Variants in HMGA2 observed in about 807,000 individuals in gnomAD.
HMGA2 encodes high mobility group protein HMGI-C.
In HMGA2, 8 loss-of-function variants were observed where a neutral mutation model predicts 19.1. The observed-to-expected ratio is 0.42, with a 90% CI of 0.25 to 0.76. HMGA2 has a LOEUF of 0.76. HMGA2 is among the 30% of genes least tolerant of loss of function. HMGA2 has a pLI of 0.28. For missense variants in HMGA2, 109 were observed against 136.3 expected, an observed-to-expected ratio of 0.80 and a Z score of 1.00; for synonymous variants, 60 against 48.8, an observed-to-expected ratio of 1.23 and a Z score of -0.96.
chr12:65,923,379 T>TGAG (rs1322191766), intron 3 of HMGA2, among the ~76,000 whole-genome samples: 1 of 152,122 alleles, frequency 6.6e-6, no homozygotes, highest in Non-Finnish European at 1.5e-5. Context: ...GGGGAGAGAA[T>TGAG]GAGGAAGTGG....
chr12:65,843,014 G>A (rs906618477), intron 3 of HMGA2: 8 of 342,738 alleles, frequency 2.3e-5, no homozygotes, highest in Non-Finnish European at 3.2e-5. Context: ...CTACATCAAT[G>A]GGAACAAGTG....
Position 65,883,136 on chromosome 12 carries a change from T to A in HMGA2, c.249+44567T>A, listed in dbSNP as rs1873507190. 2.6e-5 allele frequency among the ~76,000 whole-genome samples: 4 copies of A among 152,286 alleles called. No individual in the cohort carries two copies. The South Asian group carries it at 8.3e-4, about 32-fold the overall frequency. On this transcript the variant is annotated intron_variant, in intron 3 of 4. Transcript: ENST00000403681. ...GTTCAACTTCAAAGCTAAATTCTGA[T>A]GGAAAACACTTCCTAAGAGGCTGAA...
At chr12:65,853,061 G>A (rs2120934384) in intron 3 of HMGA2, among the ~76,000 whole-genome samples, 1 of 152,282 alleles carries the variant, frequency 6.6e-6, no homozygotes, top group Middle Eastern at 3.4e-3. Context: ...GAGGACAATG[G>A]CCGTGTCTGC....
intron 3 of HMGA2, among the ~76,000 whole-genome samples, chr12:65,890,232 T>C (rs1431301486): frequency 6.6e-6 from 1 of 152,190 alleles, no homozygotes; most frequent in African/African-American, 2.4e-5. Context: ...TAAAACATTG[T>C]GTTATCCTCA....
intron 3 of HMGA2, among the ~76,000 whole-genome samples, chr12:65,878,370 A>C (rs1355803840): frequency 1.3e-5 from 2 of 152,232 alleles, no homozygotes; most frequent in African/African-American, 4.8e-5. Flanking sequence ...ATGCAAATGG[A>C]AATGACCTAA....
intron 3 of HMGA2, among the ~76,000 whole-genome samples, chr12:65,841,251 A>C (rs573780934): frequency 8.5e-5 from 13 of 152,206 alleles, no homozygotes; most frequent in Non-Finnish European, 1.5e-4. Flanking sequence ...TGAGGCCCCC[A>C]CCACAGAAAT....
chr12:65,834,454 G>A (rs1199333265), intron 2 of HMGA2, among the ~76,000 whole-genome samples: 6 of 152,160 alleles, frequency 3.9e-5, no homozygotes, highest in Non-Finnish European at 8.8e-5. Context: ...CTAGAATTCT[G>A]ATGATAAGAG....
intron 3 of HMGA2, among the ~76,000 whole-genome samples, chr12:65,874,507 G>T (rs1206096307): frequency 6.6e-6 from 1 of 152,122 alleles, no homozygotes; most frequent in African/African-American, 2.4e-5. Flanking sequence ...AAGATGTGGT[G>T]CCCTTTAGAA....
chr12:65,826,772 C>G (rs559672739), intron 1 of HMGA2: 2 of 137,386 alleles, frequency 1.5e-5, no homozygotes, highest in African/African-American at 6.4e-5. Flanking sequence ...CACTAATTGC[C>G]CCCCCTCCAA....
chr12:65,956,871 T>C (rs895647256), intron 4 of HMGA2: 2 of 152,208 alleles, frequency 1.3e-5, no homozygotes, highest in Admixed American at 1.3e-4. Context: ...ATATAATCTT[T>C]CTTCTTACTC....
intron 4 of HMGA2, chr12:65,954,378 T>A (rs1302749777): frequency 6.6e-6 from 1 of 152,220 alleles, no homozygotes; most frequent in Admixed American, 6.5e-5. Flanking sequence ...TTTCTAGTAA[T>A]TGCTCCATCC....
chr12:65,875,693 C>T (rs1340867736), intron 3 of HMGA2, among the ~76,000 whole-genome samples: 2 of 140,412 alleles, frequency 1.4e-5, no homozygotes, highest in South Asian at 4.5e-4. Flanking sequence ...TCAGGTGATC[C>T]GCCTGACTCG....
intron 3 of HMGA2, among the ~76,000 whole-genome samples, chr12:65,909,400 G>A (rs1363125803): frequency 6.6e-6 from 1 of 151,864 alleles, no homozygotes; most frequent in Non-Finnish European, 1.5e-5. Context: ...ATTTATTCCT[G>A]TAATGTGGAA....
intron 3 of HMGA2, among the ~76,000 whole-genome samples, chr12:65,865,999 C>CT (rs1256937584): frequency 6.6e-6 from 1 of 152,092 alleles, no homozygotes; most frequent in Non-Finnish European, 1.5e-5. Context: ...AATGATGGAG[C>CT]ATCAGAATTT....
chr12:65,920,292 C>A (rs1321587460), intron 3 of HMGA2, among the ~76,000 whole-genome samples: 2 of 152,186 alleles, frequency 1.3e-5, no homozygotes, highest in East Asian at 3.9e-4. Context: ...CCTGAGTGAA[C>A]TATTTCCTGG....
intron 3 of HMGA2, among the ~76,000 whole-genome samples, chr12:65,852,506 AAAT>A (rs976864723): frequency 2.6e-5 from 4 of 152,066 alleles, no homozygotes; most frequent in African/African-American, 4.8e-5. Flanking sequence ...CTGTTTCAAA[AAAT>A]AATAATAATA....
chr12:65,845,621 C>T (rs1352800648), intron 3 of HMGA2, among the ~76,000 whole-genome samples: 1 of 152,088 alleles, frequency 6.6e-6, no homozygotes, highest in African/African-American at 2.4e-5. Context: ...CTCTTCAATA[C>T]TTGACACAAA....
rs530831236 is a variant in HMGA2, at chr12:65,860,090, TGAAAAGAAAA to T, written c.249+21534_249+21543del. 31 of 437,810 alleles carry T rather than the reference TGAAAAGAAAA, an allele frequency of 7.1e-5. No individual in the cohort carries two copies. The East Asian group carries it at 1.7e-3, about 24-fold the overall frequency. The allele number at this position is 437,810 out of a possible 1,614,324, so 27.1% of individuals were successfully genotyped here. A position where few individuals can be genotyped will look rare whatever the true frequency, so the allele number is the denominator to read the frequency against. On this transcript the variant is annotated intron_variant, in intron 3 of 4. Transcript: ENST00000403681. ...CTGGGCAACAGAGCAAGACTCTGTC[TGAAAAGAAAA>T]GAAAAGAAAAGAGAAAAGGAAAAAG...
At chr12:65,945,089 G>A (rs1176675321) in intron 3 of HMGA2, among the ~76,000 whole-genome samples, 1 of 151,620 alleles carries the variant, frequency 6.6e-6, no homozygotes, top group Non-Finnish European at 1.5e-5. Context: ...TTTCGTTGAG[G>A]GGCCTCAGGG....
Sources: gnomAD v4.1 joint callset for allele counts (sites outside exome capture counted in the v4.1 genomes callset) on GRCh38, gnomAD v4.1.1 for gene constraint, MANE v1.5 for transcripts, NCBI Gene and HGNC (gene_info 2026-07-23, HGNC 2026-07-21) for gene names.